The following FAIM2 variants were observed in gnomAD, a reference collection of about 807,000 sequenced individuals.
The protein encoded by FAIM2 is protein lifeguard 2.
A neutral mutation model predicts 47.4 loss-of-function variants in FAIM2; 27 were observed. The observed-to-expected ratio is 0.57, with a 90% CI of 0.42 to 0.78. The LOEUF is 0.78. Among genes scored for constraint, FAIM2 ranks in the 30% least tolerant of loss-of-function variants. FAIM2 has a pLI of 0.00. For synonymous variants in FAIM2, 156 were observed against 159.3 expected (o/e 0.98, Z 0.16); for missense variants, 311 against 389.4 (o/e 0.80, Z 1.69).
At chr12:49,898,820 G>A (rs777736899) in intron 2 of FAIM2, among the ~76,000 whole-genome samples, 1 of 152,170 alleles carries the variant, frequency 6.6e-6, no homozygotes, top group Non-Finnish European at 1.5e-5. Context: ...GAGCCACTGT[G>A]CCCAGCTCTG....
chr12:49,889,852 C>T (rs546762745), intron 8 of FAIM2, among the ~76,000 whole-genome samples: 1 of 152,196 alleles, frequency 6.6e-6, no homozygotes, highest in East Asian at 1.9e-4. Flanking sequence ...CAAGTAACTG[C>T]AGGTCATGAG....
intron 5 of FAIM2, among the ~76,000 whole-genome samples, chr12:49,895,977 C>G (rs1294137287): frequency 6.6e-6 from 1 of 152,270 alleles, no homozygotes; most frequent in Non-Finnish European, 1.5e-5. Flanking sequence ...AAATGTACCA[C>G]GTGCATTCTC....
intron 11 of FAIM2, among the ~76,000 whole-genome samples, chr12:49,881,687 C>T (rs547359400): frequency 1.3e-5 from 2 of 152,172 alleles, no homozygotes; most frequent in Admixed American, 1.3e-4. Flanking sequence ...TGGGAGGATT[C>T]GGCCACTCTG....
Position 49,870,728 on chromosome 12 carries a change from T to TC in FAIM2, c.802-76dup, listed in dbSNP as rs527410312. On this transcript the variant is annotated intron_variant, in intron 11 of 11. Transcript: ENST00000320634. The stretch of plus-strand genomic sequence containing the variant: ...GACACTGACTATGGCAGCCCAGGTG[T>TC]CCCCCTCAGCCCCACCCCCAATTTT... 1,458 of 1,479,896 alleles carry TC rather than the reference T, an allele frequency of 9.9e-4. 2 individuals carry two copies. Among genetic ancestry groups the TC allele is most frequent in the Non-Finnish European group, 1.3e-3 (1,355 of 1,073,796 alleles). The allele number at this position is 1,479,896 out of a possible 1,614,324, so 91.7% of individuals were successfully genotyped here.
intron 8 of FAIM2, 114 bp from the exon 9 acceptor site, chr12:49,889,682 G>A (rs643971): frequency 0.45 from 367,370 of 819,586 alleles, 83,827 homozygotes; most frequent in East Asian, 0.47. Flanking sequence ...CCTGGCCCCA[G>A]TCTGGTGCCC....
intron 5 of FAIM2, 76 bp from the exon 6 acceptor site, chr12:49,891,190 C>T (rs767346131): frequency 2.9e-6 from 4 of 1,367,486 alleles, no homozygotes; most frequent in Non-Finnish European, 4.2e-6. Context: ...GCTTATGCCA[C>T]TCTCTGCCAC....
chr12:49,875,076 G>A (rs532079457), intron 11 of FAIM2, among the ~76,000 whole-genome samples: 1 of 152,328 alleles, frequency 6.6e-6, no homozygotes, highest in African/African-American at 2.4e-5. Context: ...TGAGGGACAC[G>A]ATCAAAGTGA....
chr12:49,897,209 CT>C, intron 4 of FAIM2, 125 bp from the exon 5 acceptor site: 3 of 863,526 alleles, frequency 3.5e-6, no homozygotes, highest in Non-Finnish European at 5.8e-6. Flanking sequence ...AATGCAGCCC[CT>C]GGAGGCTCGG....
intron 1 of FAIM2, 102 bp from the exon 2 acceptor site, chr12:49,901,427 T>C (rs772747116): frequency 2.2e-4 from 197 of 886,080 alleles, no homozygotes; most frequent in Non-Finnish European, 2.1e-4. Flanking sequence ...TCATGGTTCC[T>C]TCCTTACCTG....
chr12:49,878,184 ATG>A (rs145937058), intron 11 of FAIM2, among the ~76,000 whole-genome samples: 87,342 of 127,646 alleles, frequency 0.68, 34,421 homozygotes, highest in African/African-American at 0.81. Context: ...GCATGTGTAT[ATG>A]TGTGTGCATA....
At chr12:49,888,970 A>C in intron 10 of FAIM2, 137 bp downstream of exon 10, 1 of 673,848 alleles carries the variant, frequency 1.5e-6, no homozygotes. Context: ...GGCAGGTGCC[A>C]GGAGGGGCCG....
chr12:49,872,028 G>A (rs1182726445), intron 11 of FAIM2, among the ~76,000 whole-genome samples: 1 of 152,122 alleles, frequency 6.6e-6, no homozygotes, highest in Non-Finnish European at 1.5e-5. Flanking sequence ...AGTCACTTGT[G>A]TATGAAAGGC....
At chr12:49,879,684 ATCTGTGTCTGTGTGCATGT>A (rs1946788827) in intron 11 of FAIM2, among the ~76,000 whole-genome samples, 1 of 116,302 alleles carries the variant, frequency 8.6e-6, no homozygotes, top group African/African-American at 3.7e-5. Flanking sequence ...GCATGTGTGT[ATCTGTGTCTGTGTGCATGT>A]GTGTGTGTGT....
rs951173476 is a variant in FAIM2 at position 49,870,339 on chromosome 12, G to A, written c.*165C>T. 30 of 629,298 alleles carry A rather than the reference G, an allele frequency of 4.8e-5. No individual in the cohort carries two copies. The highest frequency in any genetic ancestry group is 1.1e-4 in the Admixed American group (4 of 34,858). 39.0% of individuals were successfully genotyped at this position (629,298 alleles called of 1,614,324 possible). On this transcript the variant is annotated 3_prime_UTR_variant, in exon 12 of 12. Coordinates refer to ENST00000320634, the MANE Select transcript of FAIM2 (RefSeq NM_012306.4). Reference sequence around the variant, plus strand: ...CTCAGTTCCTCAGGGTCCCCATGGCGTATGTACAAGCGGCAGAGGGCTGGG... The same window carrying A: ...CTCAGTTCCTCAGGGTCCCCATGGCATATGTACAAGCGGCAGAGGGCTGGG...
intron 2 of FAIM2, among the ~76,000 whole-genome samples, chr12:49,900,724 A>T (rs1045286719): frequency 7.9e-5 from 12 of 151,902 alleles, no homozygotes; most frequent in Non-Finnish European, 1.5e-5. Flanking sequence ...TAAACACTGC[A>T]CCCCCACTCA....
rs1946893973 is a variant in FAIM2 at position 49,890,673 on chromosome 12, G to T, written c.525+10C>A. ...CAGCGTCTGTCCTCAGCACACCCAG[G>T]ATCACTTACAAAGACGGTCAGGAGA... On this transcript the variant is annotated intron_variant, in intron 7 of 11. Transcript: ENST00000320634. The T allele has an allele frequency of 6.2e-7, 1 of 1,613,478 alleles. No individual in the cohort carries two copies. The highest frequency in any genetic ancestry group is 8.5e-7 in the Non-Finnish European group (1 of 1,179,486).
chr12:49,883,997 G>A (rs1345229560), intron 11 of FAIM2, among the ~76,000 whole-genome samples: 1 of 152,104 alleles, frequency 6.6e-6, no homozygotes, highest in South Asian at 2.1e-4. Flanking sequence ...TGAGGCGGGC[G>A]GATCATCTGA....
At chr12:49,888,372 A>G (rs1291834185) in intron 10 of FAIM2, among the ~76,000 whole-genome samples, 1 of 152,138 alleles carries the variant, frequency 6.6e-6, no homozygotes, top group Non-Finnish European at 1.5e-5. Context: ...TCGCAGCCCT[A>G]CTAGAAAAGG....
chr12:49,894,477 G>T (rs756751803), intron 5 of FAIM2, among the ~76,000 whole-genome samples: 17 of 152,162 alleles, frequency 1.1e-4, no homozygotes, highest in Non-Finnish European at 2.1e-4. Flanking sequence ...GGCTGTGGGT[G>T]GGGGAGGGGG....
Sources: allele counts gnomAD v4.1 joint callset (sites outside exome capture counted in the v4.1 genomes callset), GRCh38; gene constraint gnomAD v4.1.1; transcripts MANE v1.5; gene names NCBI Gene and HGNC (gene_info 2026-07-23, HGNC 2026-07-21).